The following CHN2 variants were observed in gnomAD, a reference collection of about 807,000 sequenced individuals.
The protein encoded by CHN2 is chimerin 2.
CHN2 carries 35 observed loss-of-function variants against 56.3 expected under a neutral mutation model. The observed-to-expected ratio is 0.62, with a 90% confidence interval of 0.47 to 0.82. CHN2 has a LOEUF of 0.82. Among genes scored for constraint, CHN2 ranks in the 40% least tolerant of loss-of-function variants. The pLI, the probability that CHN2 is intolerant of heterozygous loss-of-function variation, is 0.00. For synonymous variants in CHN2, 210 were observed against 212.8 expected (o/e 0.99, Z 0.12); for missense variants, 491 against 580.5 (o/e 0.85, Z 1.58).
At chr7:29,174,174 C>T (rs1181720364) in intron 2 of CHN2, among the ~76,000 whole-genome samples, 1 of 152,010 alleles carries the variant, frequency 6.6e-6, no homozygotes, top group Non-Finnish European at 1.5e-5. Flanking sequence ...GAGGTGGCTG[C>T]CCCCACACCT....
chr7:29,470,050 T>G (rs1428667866), intron 6 of CHN2, among the ~76,000 whole-genome samples: 1 of 152,236 alleles, frequency 6.6e-6, no homozygotes, highest in Non-Finnish European at 1.5e-5. Flanking sequence ...ATGTGGTCAT[T>G]TCAGACTGAA....
At chr7:29,469,030 G>A (rs1400858912) in intron 6 of CHN2, among the ~76,000 whole-genome samples, 1 of 152,148 alleles carries the variant, frequency 6.6e-6, no homozygotes, top group Non-Finnish European at 1.5e-5. Flanking sequence ...GGAGCAGCTG[G>A]CCTTCTCTTT....
intron 6 of CHN2, among the ~76,000 whole-genome samples, chr7:29,470,455 T>G (rs1460400664): frequency 1.3e-5 from 2 of 152,204 alleles, no homozygotes; most frequent in Non-Finnish European, 2.9e-5. Context: ...CAGTAGGGAT[T>G]GGAGATATTT....
intron 1 of CHN2, among the ~76,000 whole-genome samples, chr7:29,337,447 A>G (rs563560897): frequency 2.6e-5 from 4 of 152,316 alleles, no homozygotes; most frequent in East Asian, 3.9e-4. Context: ...CCCCAACTCT[A>G]TGAAGACATG....
intron 2 of CHN2, among the ~76,000 whole-genome samples, chr7:29,159,204 G>C (rs1246871215): frequency 2.6e-5 from 4 of 152,226 alleles, no homozygotes; most frequent in African/African-American, 9.6e-5. Flanking sequence ...CAGAAGTTTA[G>C]ACCTGAGATG....
chr7:29,440,898 A>G (rs1253353011), intron 6 of CHN2, among the ~76,000 whole-genome samples: 1 of 152,000 alleles, frequency 6.6e-6, no homozygotes, highest in African/African-American at 2.4e-5. Context: ...GAAAGATACT[A>G]GAACTTATTT....
chr7:29,372,086 C>A (rs1799661112), intron 3 of CHN2, among the ~76,000 whole-genome samples: 1 of 152,034 alleles, frequency 6.6e-6, no homozygotes, highest in African/African-American at 2.4e-5. Flanking sequence ...CTCTTAGTAA[C>A]AAATTTCTTG....
chr7:29,338,191 T>G (rs548860810), intron 1 of CHN2, among the ~76,000 whole-genome samples: 3 of 152,318 alleles, frequency 2.0e-5, no homozygotes, highest in African/African-American at 7.2e-5. Context: ...AGATGACTAT[T>G]GGGTGTACAT....
chr7:29,480,960 T>G (rs1223556549), intron 7 of CHN2, among the ~76,000 whole-genome samples: 1 of 152,118 alleles, frequency 6.6e-6, no homozygotes, highest in Non-Finnish European at 1.5e-5. Context: ...GGAAACCTGG[T>G]GAGGGGTTAA....
intron 1 of CHN2, among the ~76,000 whole-genome samples, chr7:29,246,092 T>C (rs972218322): frequency 6.6e-6 from 1 of 152,168 alleles, no homozygotes; most frequent in Admixed American, 6.5e-5. Flanking sequence ...GGCAAAGTCT[T>C]GGTAGCATAC....
At chr7:29,429,214 A>G (rs1410030281) in intron 6 of CHN2, among the ~76,000 whole-genome samples, 1 of 152,226 alleles carries the variant, frequency 6.6e-6, no homozygotes, top group African/African-American at 2.4e-5. Context: ...ACCACTTCAG[A>G]AAATTCCAGA....
At chr7:29,262,226 C>T (rs1789611105) in intron 1 of CHN2, among the ~76,000 whole-genome samples, 1 of 152,158 alleles carries the variant, frequency 6.6e-6, no homozygotes, top group African/African-American at 2.4e-5. Flanking sequence ...AAGGTCTCTT[C>T]TGTGTATCAC....
chr7:29,360,344 A>G (rs901198387), intron 2 of CHN2, among the ~76,000 whole-genome samples: 1 of 152,066 alleles, frequency 6.6e-6, no homozygotes, highest in African/African-American at 2.4e-5. Context: ...CAATATGGAG[A>G]AACCCCATCT....
intron 2 of CHN2, among the ~76,000 whole-genome samples, chr7:29,148,242 G>A (rs1793049394): frequency 6.6e-6 from 1 of 152,164 alleles, no homozygotes; most frequent in African/African-American, 2.4e-5. Context: ...CTAAGTATAA[G>A]GACAACTACT....
At chr7:29,198,041 A>T (rs1332333468) in intron 1 of CHN2, 3 of 456,200 alleles carry the variant, frequency 6.6e-6, no homozygotes. Context: ...TTACAGGCCC[A>T]TAAGCAGCAT....
chr7:29,194,195 C>T (rs1783271625), upstream of CHN2: 1 of 151,620 alleles, frequency 6.6e-6, no homozygotes, highest in Non-Finnish European at 1.5e-5. Flanking sequence ...TCCCCCACAC[C>T]CTCCCTCCCC....
intron 6 of CHN2, among the ~76,000 whole-genome samples, chr7:29,470,488 C>G (rs1029743761): frequency 2.0e-5 from 3 of 152,078 alleles, no homozygotes; most frequent in Non-Finnish European, 4.4e-5. Flanking sequence ...TTTTGAAAAC[C>G]TGTTTCATAG....
At chr7:29,467,780 T>G (rs1785658870) in intron 6 of CHN2, among the ~76,000 whole-genome samples, 1 of 152,138 alleles carries the variant, frequency 6.6e-6, no homozygotes, top group African/African-American at 2.4e-5. Context: ...CTTCCTCATA[T>G]CTGAAATGAG....
intron 2 of CHN2, among the ~76,000 whole-genome samples, chr7:29,358,654 C>T (rs1585152841): frequency 6.6e-6 from 1 of 152,016 alleles, no homozygotes; most frequent in Non-Finnish European, 1.5e-5. Context: ...TTAATAGAGA[C>T]AGGGTTTCAC....
Sources: allele counts gnomAD v4.1 joint callset (sites outside exome capture counted in the v4.1 genomes callset), GRCh38; gene constraint gnomAD v4.1.1; transcripts MANE v1.5; gene names NCBI Gene and HGNC (gene_info 2026-07-23, HGNC 2026-07-21).